SIPA1L1: variants seen among roughly 807,000 people sequenced by gnomAD.
SIPA1L1 encodes the protein signal-induced proliferation-associated 1-like protein 1.
A neutral mutation model predicts 162.7 loss-of-function variants in SIPA1L1; 26 were observed. The observed-to-expected ratio is 0.16, with a 90% CI of 0.12 to 0.22. SIPA1L1 has a LOEUF of 0.22. Among genes scored for constraint, SIPA1L1 ranks in the 10% least tolerant of loss-of-function variants. SIPA1L1 has a pLI of 1.00. For missense variants in SIPA1L1, 1,874 were observed against 2,241.0 expected, an observed-to-expected ratio of 0.84 and a Z score of 3.31; for synonymous variants, 829 against 837.4, an observed-to-expected ratio of 0.99 and a Z score of 0.17.
chr14:71,575,726 GTT>G (rs879873466), intron 4 of SIPA1L1, among the ~76,000 whole-genome samples: 4 of 152,122 alleles, frequency 2.6e-5, no homozygotes, highest in Non-Finnish European at 5.9e-5. Context: ...TTGTGACAGT[GTT>G]TTATCCAGTT....
chr14:71,436,557 CT>C (rs966334425), intron 2 of SIPA1L1, among the ~76,000 whole-genome samples: 6 of 151,996 alleles, frequency 3.9e-5, no homozygotes, highest in African/African-American at 1.5e-4. Context: ...TTCCTGAAGT[CT>C]TTTTAGAATG....
intron 4 of SIPA1L1, among the ~76,000 whole-genome samples, chr14:71,567,654 C>G (rs2030984832): frequency 1.3e-5 from 2 of 149,008 alleles, no homozygotes; most frequent in South Asian, 4.3e-4. Flanking sequence ...CTGAGGGTAC[C>G]TCCCCTTTTT....
chr14:71,712,565 A>G (rs2082955009), intron 17 of SIPA1L1, among the ~76,000 whole-genome samples: 2 of 151,994 alleles, frequency 1.3e-5, no homozygotes, highest in Non-Finnish European at 2.9e-5. Context: ...GGAGAGGTGA[A>G]GATAGTAGTA....
intron 7 of SIPA1L1, among the ~76,000 whole-genome samples, chr14:71,625,881 A>G (rs2039929771): frequency 6.6e-6 from 1 of 152,224 alleles, no homozygotes; most frequent in African/African-American, 2.4e-5. Flanking sequence ...ACTATATTAA[A>G]TAAAAATGGA....
intron 3 of SIPA1L1, among the ~76,000 whole-genome samples, chr14:71,517,575 G>T (rs187091327): frequency 6.6e-6 from 1 of 152,130 alleles, no homozygotes; most frequent in Admixed American, 6.5e-5. Flanking sequence ...AGGATATGCC[G>T]TACCATCTGC....
chr14:71,548,919 G>A (rs2055513552), intron 4 of SIPA1L1, among the ~76,000 whole-genome samples: 1 of 148,140 alleles, frequency 6.8e-6, no homozygotes, highest in Non-Finnish European at 1.5e-5. Flanking sequence ...GAAATGAAAA[G>A]GCATGCTTAT....
chr14:71,406,112 GAGGT>G (rs1323489124), intron 2 of SIPA1L1, among the ~76,000 whole-genome samples: 2 of 152,132 alleles, frequency 1.3e-5, no homozygotes, highest in Non-Finnish European at 2.9e-5. Flanking sequence ...TGGTCTTTGG[GAGGT>G]AGAATTTATA....
chr14:71,400,977 C>A (rs1174993605), intron 2 of SIPA1L1: 2 of 152,164 alleles, frequency 1.3e-5, no homozygotes, highest in African/African-American at 4.8e-5. Context: ...CTCCCATTTT[C>A]AGGTTGCACT....
intron 2 of SIPA1L1, among the ~76,000 whole-genome samples, chr14:71,437,805 A>G (rs2141122979): frequency 6.6e-6 from 1 of 152,308 alleles, no homozygotes; most frequent in Admixed American, 6.5e-5. Flanking sequence ...ATATTCTGTA[A>G]TTAGCAAGGC....
intron 2 of SIPA1L1, among the ~76,000 whole-genome samples, chr14:71,406,158 G>A (rs2042014237): frequency 6.6e-6 from 1 of 152,188 alleles, no homozygotes; most frequent in Non-Finnish European, 1.5e-5. Context: ...GGGTGTGAAA[G>A]AAGAATGTAA....
intron 13 of SIPA1L1, 81 bp downstream of exon 13, chr14:71,685,712 G>T: frequency 6.6e-7 from 1 of 1,514,884 alleles, no homozygotes; most frequent in Non-Finnish European, 8.9e-7. Flanking sequence ...CTAGTTTTAG[G>T]CCTTCTCATA....
chr14:71,442,993 G>A (rs912883175), intron 2 of SIPA1L1, among the ~76,000 whole-genome samples: 11 of 152,172 alleles, frequency 7.2e-5, no homozygotes, highest in Admixed American at 3.3e-4. Context: ...TTTTTGTGAC[G>A]TCTTACATTT....
At chr14:71,721,825 C>G (rs2083767968) in intron 17 of SIPA1L1, among the ~76,000 whole-genome samples, 1 of 152,234 alleles carries the variant, frequency 6.6e-6, no homozygotes, top group Non-Finnish European at 1.5e-5. Context: ...CAGTGCAGCT[C>G]TGGGGCTTGT....
In SIPA1L1 at chr14:71,588,838, C is replaced by T; in HGVS notation, c.966C>T (p.Val322=). 2 of 1,614,132 alleles carry T rather than the reference C, an allele frequency of 1.2e-6. No individual in the cohort carries two copies. The highest frequency in any genetic ancestry group is 1.7e-6 in the Non-Finnish European group (2 of 1,179,994). The change falls in exon 5 of 24, where the codon GTC becomes GTT. Residue 322 remains valine, a synonymous_variant. Coordinates refer to ENST00000381232, the MANE Select transcript of SIPA1L1 (RefSeq NM_001386936.1). The surrounding 1 kb of genome is among the most constrained non-coding windows in gnomAD (Gnocchi z 4.3). ...DLEDNRSEDS[V]RPWTCPKCFA... is the part of the protein sequence containing the mutation. Reference sequence around the variant, plus strand: ...AAGATAACCGATCAGAAGACTCTGTCAGGCCCTGGACATGTCCAAAGTGCT... The same window carrying T: ...AAGATAACCGATCAGAAGACTCTGTTAGGCCCTGGACATGTCCAAAGTGCT...
chr14:71,665,596 G>C (rs1168343445), intron 10 of SIPA1L1, among the ~76,000 whole-genome samples: 1 of 152,148 alleles, frequency 6.6e-6, no homozygotes, highest in Non-Finnish European at 1.5e-5. Context: ...ACAAATACTT[G>C]TTTATTGATA....
chr14:71,473,441 C>T (rs187704859), intron 2 of SIPA1L1, among the ~76,000 whole-genome samples: 8 of 152,222 alleles, frequency 5.3e-5, no homozygotes, highest in Admixed American at 3.9e-4. Flanking sequence ...AAGGTTTGTT[C>T]CCCCATCCCT....
chr14:71,327,169 G>A (rs2033930481), intron 2 of SIPA1L1, among the ~76,000 whole-genome samples: 1 of 145,882 alleles, frequency 6.9e-6, no homozygotes, highest in Admixed American at 7.1e-5. Flanking sequence ...TGCAACCTCT[G>A]CCTCCCGGGT....
intron 2 of SIPA1L1, among the ~76,000 whole-genome samples, chr14:71,335,481 G>A (rs1486643943): frequency 1.3e-5 from 2 of 152,166 alleles, no homozygotes; most frequent in African/African-American, 2.4e-5. Context: ...GATTTAGAAA[G>A]GTCCTGACAC....
At chr14:71,611,446 C>T (rs1197080472) in intron 5 of SIPA1L1, among the ~76,000 whole-genome samples, 1 of 146,962 alleles carries the variant, frequency 6.8e-6, no homozygotes, top group Non-Finnish European at 1.5e-5. Context: ...GCAGGACGTG[C>T]AGGTTTGTTA....
Sources: gnomAD v4.1 joint callset for allele counts (sites outside exome capture counted in the v4.1 genomes callset) on GRCh38, gnomAD v4.1.1 for gene constraint, Gnocchi (gnomAD v3.1) non-coding constraint, MANE v1.5 for transcripts, NCBI Gene and HGNC (gene_info 2026-07-23, HGNC 2026-07-21) for gene names.